The following SCAI variants were observed in gnomAD, a reference collection of about 807,000 sequenced individuals.
SCAI encodes the protein protein SCAI.
SCAI carries 24 observed loss-of-function variants against 92.2 expected under a neutral mutation model. That is an observed-to-expected ratio of 0.26 (90% CI 0.19 to 0.37). The LOEUF (loss-of-function observed/expected upper bound fraction) is 0.37, where lower values mean the gene tolerates loss of function less well. SCAI is among the 10% of genes least tolerant of loss of function. SCAI has a pLI of 1.00. For synonymous variants in SCAI, 261 were observed against 258.6 expected (o/e 1.01, Z -0.09); for missense variants, 450 against 736.2 (o/e 0.61, Z 4.50).
At chr9:125,046,869 A>ATATAT (rs887306309) in intron 3 of SCAI, among the ~76,000 whole-genome samples, 1 of 151,958 alleles carries the variant, frequency 6.6e-6, no homozygotes, top group East Asian at 1.9e-4. Context: ...CTTTGATAGA[A>ATATAT]TATATTATAT....
At chr9:125,055,750 G>T in intron 3 of SCAI, 126 bp downstream of exon 3, 1 of 579,704 alleles carries the variant, frequency 1.7e-6, no homozygotes, top group Non-Finnish European at 2.8e-6. Flanking sequence ...AAAAAATCAT[G>T]ATCACTCTAA....
At chr9:125,069,516 C>T (rs549400643) in intron 2 of SCAI, among the ~76,000 whole-genome samples, 1 of 150,728 alleles carries the variant, frequency 6.6e-6, no homozygotes, top group Admixed American at 6.6e-5. Flanking sequence ...GACGGGGTTT[C>T]ACCATGTTGG....
intron 2 of SCAI, among the ~76,000 whole-genome samples, chr9:125,118,494 G>C (rs1356872163): frequency 6.7e-6 from 1 of 149,138 alleles, no homozygotes; most frequent in African/African-American, 2.5e-5. Flanking sequence ...TCCAGCCTGG[G>C]AGACAGAGAC....
chr9:124,974,934 C>T (rs1831726222), intron 15 of SCAI, among the ~76,000 whole-genome samples: 1 of 152,152 alleles, frequency 6.6e-6, no homozygotes, highest in Non-Finnish European at 1.5e-5. Context: ...AGTCAGTTTG[C>T]CTCCAAAGTC....
In SCAI at chr9:125,003,734, G is replaced by T; in HGVS notation, c.862-164C>A. On this transcript the variant is annotated intron_variant, in intron 9 of 17. Coordinates refer to ENST00000336505, the MANE Select transcript of SCAI (RefSeq NM_001144877.3). ...GAAATTTTCAAGCGATGGAAAGACT[G>T]GAAGAATTCTACAGTGACATCCATA... is the stretch of plus-strand genomic sequence containing the variant. 5.1e-6 allele frequency: 3 copies of T among 593,218 alleles called. No homozygotes were observed. The South Asian group carries it at 6.3e-5, about 12-fold the overall frequency. The allele number at this position is 593,218 out of a possible 1,614,324, so 36.7% of individuals were successfully genotyped here.
chr9:124,945,802 G>T lies in SCAI; in HGVS notation c.*7005C>A, dbSNP rs1831136215. On this transcript the variant is annotated 3_prime_UTR_variant, in exon 18 of 18. Transcript: ENST00000336505. ...CTTAAGTCTTTTTGTTCAAAACTCA[G>T]TGAAGCTGGAACATAGTGTAGTATT... 2 of 152,050 alleles carry T rather than the reference G, an allele frequency of 1.3e-5. No individual in the cohort carries two copies. The highest frequency in any genetic ancestry group is 2.9e-5 in the Non-Finnish European group (2 of 68,024). 9.4% of individuals were successfully genotyped at this position (152,050 alleles called of 1,614,324 possible).
chr9:125,057,359 A>C (rs78101044), intron 2 of SCAI, among the ~76,000 whole-genome samples: 4,977 of 152,306 alleles, frequency 0.033, 227 homozygotes, highest in African/African-American at 0.11. Context: ...AATAGCTTAC[A>C]CAGGAGGAGA....
At chr9:125,104,339 T>G (rs922730785) in intron 2 of SCAI, among the ~76,000 whole-genome samples, 1 of 152,164 alleles carries the variant, frequency 6.6e-6, no homozygotes, top group Non-Finnish European at 1.5e-5. Flanking sequence ...TTTTAAAAGT[T>G]AACTCCCAAT....
intron 2 of SCAI, among the ~76,000 whole-genome samples, chr9:125,096,947 T>C (rs752884041): frequency 8.5e-5 from 13 of 152,232 alleles, no homozygotes; most frequent in Non-Finnish European, 1.3e-4. Context: ...GGATACATGG[T>C]TGCCTATAAC....
chr9:125,029,686 A>C lies in SCAI; in HGVS notation c.284T>G (p.Phe95Cys). Reference protein sequence around the residue: ...KQWQSYFGRTFDVYTKLWKFQ... With the variant: ...KQWQSYFGRTCDVYTKLWKFQ... ...CTTCCAGAGTTTGGTGTAAACATCA[A>C]AAGTTCTTCCAAAATAGGACTGCCA... is the stretch of plus-strand genomic sequence containing the variant. Residue 95 changes from phenylalanine (F) to cysteine (C), a missense_variant, in exon 4 of 18, where the codon TTT (phenylalanine) becomes TGT (cysteine). This residue lies in a region of SCAI where 20 missense variants were observed against 68.2 expected (regional missense o/e 0.29). Transcript: ENST00000336505. 1 of 1,613,466 alleles carries C rather than the reference A, an allele frequency of 6.2e-7. No homozygotes were observed. The highest frequency in any genetic ancestry group is 8.5e-7 in the Non-Finnish European group (1 of 1,179,630).
chr9:125,008,278 G>A (rs1832556857), intron 9 of SCAI, among the ~76,000 whole-genome samples: 1 of 152,100 alleles, frequency 6.6e-6, no homozygotes, highest in South Asian at 2.1e-4. Context: ...CCAAGTAGCT[G>A]GGATCAAAAG....
intron 2 of SCAI, among the ~76,000 whole-genome samples, chr9:125,084,835 GTTCT>G (rs1834294680): frequency 6.6e-6 from 1 of 152,128 alleles, no homozygotes; most frequent in Non-Finnish European, 1.5e-5. Flanking sequence ...AACTTTTATT[GTTCT>G]TTATCTTGAT....
intron 9 of SCAI, among the ~76,000 whole-genome samples, chr9:125,007,806 T>C (rs1832543176): frequency 1.3e-5 from 2 of 151,948 alleles, no homozygotes; most frequent in Admixed American, 1.3e-4. Context: ...TAGAGGCACA[T>C]GACCAACATC....
chr9:125,061,674 T>C (rs1327219738), intron 2 of SCAI, among the ~76,000 whole-genome samples: 1 of 152,102 alleles, frequency 6.6e-6, no homozygotes, highest in Admixed American at 6.6e-5. Context: ...GTGGGAGGAC[T>C]GCTTGAGCAC....
intron 17 of SCAI, chr9:124,968,760 C>A: frequency 2.8e-6 from 3 of 1,083,488 alleles, no homozygotes; most frequent in Admixed American, 3.4e-5. Context: ...GAGGTTCAAA[C>A]TGGCATGGTG....
chr9:125,016,043 G>T (rs1042141871), intron 9 of SCAI, among the ~76,000 whole-genome samples: 2 of 101,462 alleles, frequency 2.0e-5, no homozygotes, highest in South Asian at 8.5e-4. Flanking sequence ...GGCGGGGGGA[G>T]GGGGGAGGGA....
chr9:125,100,394 C>T (rs1197758185), intron 2 of SCAI, among the ~76,000 whole-genome samples: 2 of 152,202 alleles, frequency 1.3e-5, no homozygotes, highest in Non-Finnish European at 2.9e-5. Context: ...CTACTATCTC[C>T]ATTTCAGAGA....
chr9:124,947,298 TG>T lies in SCAI; in HGVS notation c.*5508del, dbSNP rs1411433278. ...GGACTACTACAGCCTAAGAATCTGCTGGTGTCTCAGTTTCACATACTTAGGT... is the reference window on the plus strand; with the variant it reads ...GGACTACTACAGCCTAAGAATCTGCTGTGTCTCAGTTTCACATACTTAGGT... On this transcript the variant is annotated 3_prime_UTR_variant, in exon 18 of 18. Coordinates refer to ENST00000336505, the MANE Select transcript of SCAI (RefSeq NM_001144877.3). 6.6e-6 allele frequency: 1 copy of T among 152,226 alleles called. No homozygotes were observed. The highest frequency in any genetic ancestry group is 1.5e-5 in the Non-Finnish European group (1 of 68,032). The allele number at this position is 152,226 out of a possible 1,614,324, so 9.4% of individuals were successfully genotyped here.
intron 9 of SCAI, among the ~76,000 whole-genome samples, chr9:125,018,541 T>A (rs769942475): frequency 6.6e-6 from 1 of 152,246 alleles, no homozygotes; most frequent in African/African-American, 2.4e-5. Context: ...CTAACATATA[T>A]GAAATAATTC....
Sources: gnomAD v4.1 joint callset for allele counts (sites outside exome capture counted in the v4.1 genomes callset) on GRCh38, gnomAD v4.1.1 for gene constraint, gnomAD v4.1.1 regional missense constraint, MANE v1.5 for transcripts, NCBI Gene and HGNC (gene_info 2026-07-23, HGNC 2026-07-21) for gene names.